TTN: variants seen among roughly 807,000 people sequenced by gnomAD.
TTN encodes the protein titin.
TTN carries 1,525 observed loss-of-function variants against 3,223.0 expected under a neutral mutation model. That is an observed-to-expected ratio of 0.47 (90% CI 0.45 to 0.49). TTN has a LOEUF of 0.49. Ranked by LOEUF, TTN falls within the 20% of genes least tolerant of loss-of-function variation. The probability of loss-of-function intolerance (pLI) is 0.00; values close to 1 mark genes in which losing one functional copy is unlikely to be tolerated. For synonymous variants in TTN, 14,094 were observed against 15,161.0 expected (o/e 0.93, Z 5.17); for missense variants, 40,786 against 43,424.0 (o/e 0.94, Z 5.40).
Position 178,554,463 on chromosome 2 carries a change from C to T in TTN, c.88884G>A (p.Lys29628=). Residue 29628 remains lysine, a synonymous_variant, in exon 332 of 363, where the codon AAG becomes AAA. Transcript: ENST00000589042. ...GAAATCATGTCTCACCAAATGCGTT[C>T]TTGGCTACAACGGAATCAGATTCCA... is the stretch of plus-strand genomic sequence containing the variant. The part of the protein sequence containing the change: ...EPLESDSVVA[K]NAFVTPGPPG... The T allele has an allele frequency of 6.2e-7, 1 of 1,613,156 alleles. No homozygotes were observed. Among genetic ancestry groups the T allele is most frequent in the Non-Finnish European group, 8.5e-7 (1 of 1,179,562 alleles).
chr2:178,572,702 G>A lies in TTN; in HGVS notation c.73430C>T (p.Ser24477Phe). The A allele has an allele frequency of 6.2e-7, 1 of 1,613,446 alleles. No individual in the cohort carries two copies. The highest frequency in any genetic ancestry group is 1.3e-5 in the African/African-American group (1 of 74,986). ...AATAAGCAGGGTGTAAGAGCTTGTGGATTCGATGCTAGCTTTATCTAAAGA... is the reference window on the plus strand; with the variant it reads ...AATAAGCAGGGTGTAAGAGCTTGTGAATTCGATGCTAGCTTTATCTAAAGA... ...GESLDKASIESTSSYTLLIVG... is the reference protein window; with the variant it reads ...GESLDKASIEFTSSYTLLIVG... The change falls in exon 326 of 363, where the codon TCC becomes TTC. Residue 24477 changes from serine (S) to phenylalanine (F), a missense_variant. Ser to Phe is a radical substitution (Grantham distance 155). Transcript: ENST00000589042.
chr2:178,600,775 T>G, intron 288 of TTN, 79 bp downstream of exon 288: 2 of 1,547,134 alleles, frequency 1.3e-6, no homozygotes, highest in Non-Finnish European at 1.8e-6. Context: ...GATATAGCTC[T>G]TTTAATTGTG....
At position 178,680,275 on chromosome 2, in the gene TTN, C is replaced by G. The variant is rs976161757; in HGVS notation, c.33397G>C (p.Glu11133Gln). The stretch of plus-strand genomic sequence containing the variant: ...GTACCTCTAACAGGTGGTGCTACTT[C>G]TTTTCTAGGGACAGGTACTTTTTCT... The part of the protein sequence containing the change: ...AEEKVPVPRK[E>Q]VAPPVRVPEV... Residue 11133 changes from glutamate to glutamine, a missense_variant, in exon 139 of 363, where the codon GAA (glutamate) becomes CAA (glutamine). Transcript: ENST00000589042. 1.2e-6 allele frequency: 2 copies of G among 1,611,940 alleles called. No individual in the cohort carries two copies. The highest frequency in any genetic ancestry group is 1.7e-6 in the Non-Finnish European group (2 of 1,179,060).
At chr2:178,542,004 C>G in intron 349 of TTN, 1 of 340,628 alleles carries the variant, frequency 2.9e-6, no homozygotes, top group Non-Finnish European at 5.3e-6. Context: ...TCCTTCCATT[C>G]CTTTCTTCCT....
In TTN at chr2:178,773,565, A is replaced by G. The variant is rs2154344699; in HGVS notation, c.7491T>C (p.Gly2497=). 1 of 1,613,996 alleles carries G rather than the reference A, an allele frequency of 6.2e-7. No individual in the cohort carries two copies. The change falls in exon 32 of 363, where the codon GGT becomes GGC. Residue 2497 remains glycine, a synonymous_variant. Transcript: ENST00000589042. The part of the protein sequence containing the change: ...PDDRVQAIVK[G]TKQRLVINRT... ...GGTTAATGACTAGTCGCTGTTTAGT[A>G]CCTTTCACAATGGCCTGTACACGGT...
Position 178,575,191 on chromosome 2 carries a change from A to G in TTN, c.70941T>C (p.Ala23647=), listed in dbSNP as rs749484999. 1 of 1,612,800 alleles carries G rather than the reference A, an allele frequency of 6.2e-7. No homozygotes were observed. Among genetic ancestry groups the G allele is most frequent in the East Asian group, 2.2e-5 (1 of 44,596 alleles). Residue 23647 remains alanine (A), a synonymous_variant, in exon 326 of 363, where the codon GCT becomes GCC. Coordinates refer to ENST00000589042, the MANE Select transcript of TTN (RefSeq NM_001267550.2). This position sits in a 1 kb window ranked among gnomAD's most constrained non-coding sequence, Gnocchi z 4.0. Reference sequence around the variant, plus strand: ...GAATTTCAACTTTGATGTTGTCACCAGCTTTGGCAATGACCAGTTTCTGAT... The same window carrying G: ...GAATTTCAACTTTGATGTTGTCACCGGCTTTGGCAATGACCAGTTTCTGAT... ...GIYQKLVIAK[A]GDNIKVEIPV...
Position 178,620,360 on chromosome 2 carries a change from T to C in TTN, c.46161A>G (p.Ile15387Met), listed in dbSNP as rs776463253. ...QDKSVAELLI[I>M]EAPTEFVEHL... ...GTTCCACAAATTCTGTCGGGGCTTC[T>C]ATGATGAGAAGCTCAGCAACAGATT... Residue 15387 changes from isoleucine to methionine, a missense_variant, in exon 248 of 363, where the codon ATA becomes ATG. By Grantham distance (10) the Ile-to-Met change is conservative (BLOSUM62 1). Transcript: ENST00000589042. 1.7e-5 allele frequency: 27 copies of C among 1,608,270 alleles called. No homozygotes were observed. In the East Asian group the frequency reaches 5.4e-4, roughly 32 times the overall value.
At position 178,677,302 on chromosome 2, in the gene TTN, A is replaced by G; in HGVS notation, c.34292-15T>C. 1 of 1,183,798 alleles carries G rather than the reference A, an allele frequency of 8.4e-7. No homozygotes were observed. The highest frequency in any genetic ancestry group is 1.7e-5 in the African/African-American group (1 of 58,998). 73.3% of individuals were successfully genotyped at this position (1,183,798 alleles called of 1,614,324 possible). A position where few individuals can be genotyped will look rare whatever the true frequency, so the allele number is the denominator to read the frequency against. On this transcript the variant is annotated splice_polypyrimidine_tract_variant and intron_variant, in intron 146 of 362. Transcript: ENST00000589042. Reference sequence around the variant, plus strand: ...CACTTCAGGCACTTAAAAACATTTCATTTGAAGGCATTAAAAACCACATAT... The same window carrying G: ...CACTTCAGGCACTTAAAAACATTTCGTTTGAAGGCATTAAAAACCACATAT...
Position 178,783,072 on chromosome 2 carries a change from G to A in TTN, c.2842-8C>T, listed in dbSNP as rs754263008. On this transcript the variant is annotated splice_polypyrimidine_tract_variant and splice_region_variant and intron_variant, in intron 17 of 362. Transcript: ENST00000589042. ...AGTCACATTTTTTAAGCCCTGAAGA[G>A]AGGAGAAAAAATAAATAATGATACG... The A allele has an allele frequency of 6.2e-7, 1 of 1,613,770 alleles. No homozygotes were observed. The highest frequency in any genetic ancestry group is 1.1e-5 in the South Asian group (1 of 91,058).
chr2:178,711,700 C>T (rs1456465045), intron 96 of TTN, among the ~76,000 whole-genome samples: 1 of 152,116 alleles, frequency 6.6e-6, no homozygotes, highest in African/African-American at 2.4e-5. Context: ...AATATATGGT[C>T]ACTTTTTAAA....
chr2:178,677,921 T>TA lies in TTN; in HGVS notation c.33995-5dup. 1 of 1,586,518 alleles carries TA rather than the reference T, an allele frequency of 6.3e-7. No individual in the cohort carries two copies. The highest frequency in any genetic ancestry group is 8.5e-7 in the Non-Finnish European group (1 of 1,170,534). ...ACTGGTTCACGTTTCTTTGGCACTT[T>TA]AAAGATATTTATTCAAGGGTACAAA... On this transcript the variant is annotated splice_polypyrimidine_tract_variant and splice_region_variant and intron_variant, in intron 145 of 362. Coordinates refer to ENST00000589042, the MANE Select transcript of TTN (RefSeq NM_001267550.2).
At chr2:178,649,463 T>A in intron 212 of TTN, 91 bp downstream of exon 212, 10 of 1,407,866 alleles carry the variant, frequency 7.1e-6, no homozygotes, top group Non-Finnish European at 8.6e-6. Flanking sequence ...TTGTCCTTAG[T>A]TATGCAACAA....
chr2:178,544,611 A>T, intron 344 of TTN, 105 bp from the exon 345 acceptor site: 1 of 908,978 alleles, frequency 1.1e-6, no homozygotes, highest in East Asian at 2.4e-5. Context: ...GCTCTTGTCC[A>T]CACTCACCAA....
rs36043230 is a variant in TTN, at chr2:178,612,540, T to C, written c.49985A>G (p.Asn16662Ser). 1.9e-6 allele frequency: 3 copies of C among 1,611,538 alleles called. No homozygotes were observed. Among genetic ancestry groups the C allele is most frequent in the African/African-American group, 2.7e-5 (2 of 74,802 alleles). ...TAGGTCTGCTGTATTTTTTGTGATATTAATAACTTCAAGCCAGCGTGGTGG... is the reference window on the plus strand; with the variant it reads ...TAGGTCTGCTGTATTTTTTGTGATACTAATAACTTCAAGCCAGCGTGGTGG... ...PSPPRWLEVINITKNTADLKW... is the reference protein window; with the variant it reads ...PSPPRWLEVISITKNTADLKW... The change falls in exon 266 of 363, where the codon AAT becomes AGT. Residue 16662 changes from asparagine to serine, a missense_variant. By Grantham distance (46) the Asn-to-Ser change is conservative (BLOSUM62 1). Coordinates refer to ENST00000589042, the MANE Select transcript of TTN (RefSeq NM_001267550.2).
At position 178,675,943 on chromosome 2, in the gene TTN, T is replaced by C. The variant is rs1362116055; in HGVS notation, c.34431A>G (p.Lys11477=). ...VTEKKVVIPK[K]EEAPPAKVSV... is the part of the protein sequence containing the mutation. ...TACCTTTGGCAGGGGGAGCCTCCTC[T>C]TTCTTGGGAATGACCACTTTCTTCT... The change falls in exon 148 of 363, where the codon AAA becomes AAG. Residue 11477 remains lysine (K), a synonymous_variant. Transcript: ENST00000589042. 2 of 1,608,262 alleles carry C rather than the reference T, an allele frequency of 1.2e-6. No individual in the cohort carries two copies. The highest frequency in any genetic ancestry group is 4.5e-5 in the East Asian group (2 of 44,800).
At position 178,528,278 on chromosome 2, in the gene TTN, GACC is replaced by G. The variant is rs753812861; in HGVS notation, c.107370_107372del (p.Met35790_Val35791delinsIle). On this transcript the variant is annotated inframe_deletion, in exon 361 of 363. Transcript: ENST00000589042. ...GAAGGGTGAGGAGATACTTACGAAGGACCATTAAGGAAGCTGTAGCTGAACACT... is the reference window on the plus strand; with the variant it reads ...GAAGGGTGAGGAGATACTTACGAAGGATTAAGGAAGCTGTAGCTGAACACT... The G allele has an allele frequency of 3.1e-6, 5 of 1,613,386 alleles. No homozygotes were observed. The African/African-American group carries it at 4.0e-5, about 13-fold the overall frequency.
chr2:178,652,142 C>G lies in TTN; in HGVS notation c.39249G>C (p.Lys13083Asn), dbSNP rs1410502753. 1 of 1,612,044 alleles carries G rather than the reference C, an allele frequency of 6.2e-7. No individual in the cohort carries two copies. Among genetic ancestry groups the G allele is most frequent in the East Asian group, 2.2e-5 (1 of 44,816 alleles). Residue 13083 changes from lysine (K) to asparagine (N), a missense_variant, in exon 204 of 363, where the codon AAG becomes AAC. Physicochemically the swap from Lys to Asn is moderately conservative, Grantham distance 94. Transcript: ENST00000589042. ...EVPKVAVPEKKVPEAIPPKPE... is the reference protein window; with the variant it reads ...EVPKVAVPEKNVPEAIPPKPE... The stretch of plus-strand genomic sequence containing the variant: ...GTTTGGGAGGAATAGCTTCAGGCAC[C>G]TTCTTTTCTGGGACAGCTACCTTTG...
rs1016165797 is a variant in TTN, at chr2:178,773,330, G to A, written c.7634C>T (p.Thr2545Ile). Reference protein sequence around the residue: ...IIRGLRDLTCTETQNVVFEVE... With the variant: ...IIRGLRDLTCIETQNVVFEVE... Reference sequence around the variant, plus strand: ...CTCAAACACCACATTTTGAGTTTCTGTACAGGTAAGGTCACGAAGACCTCT... The same window carrying A: ...CTCAAACACCACATTTTGAGTTTCTATACAGGTAAGGTCACGAAGACCTCT... The change falls in exon 33 of 363, where the codon ACA becomes ATA. Residue 2545 changes from threonine (T) to isoleucine (I), a missense_variant. Thr to Ile is a moderately conservative substitution (Grantham distance 89, BLOSUM62 -1). Transcript: ENST00000589042. 27 of 1,613,806 alleles carry A rather than the reference G, an allele frequency of 1.7e-5. No homozygotes were observed. The highest frequency in any genetic ancestry group is 2.1e-5 in the Non-Finnish European group (25 of 1,179,974).
chr2:178,555,788 C>T (rs549706421), intron 330 of TTN: 14 of 152,438 alleles, frequency 9.2e-5, no homozygotes, highest in African/African-American at 3.4e-4. Context: ...TGCCCAGACA[C>T]TACAGTGGCT....
Sources: gnomAD v4.1 joint callset for allele counts (sites outside exome capture counted in the v4.1 genomes callset) on GRCh38, gnomAD v4.1.1 for gene constraint, Gnocchi (gnomAD v3.1) non-coding constraint, MANE v1.5 for transcripts, NCBI Gene and HGNC (gene_info 2026-07-23, HGNC 2026-07-21) for gene names.